Variants in CCDC6 observed in about 807,000 individuals in gnomAD.
CCDC6 encodes coiled-coil domain containing 6, also known as coiled-coil domain-containing protein 6.
CCDC6 carries 20 observed loss-of-function variants against 56.6 expected under a neutral mutation model. That is an observed-to-expected ratio of 0.35 (90% CI 0.25 to 0.51). The LOEUF (loss-of-function observed/expected upper bound fraction) is 0.51. Among genes scored for constraint, CCDC6 ranks in the 20% least tolerant of loss-of-function variants. The pLI is 0.95. For missense variants in CCDC6, 367 were observed against 601.1 expected (o/e 0.61, Z 4.07); for synonymous variants, 241 against 234.4 (o/e 1.03, Z -0.26).
intron 3 of CCDC6, among the ~76,000 whole-genome samples, chr10:59,815,808 T>C (rs903275624): frequency 6.6e-6 from 1 of 152,244 alleles, no homozygotes; most frequent in Admixed American, 6.5e-5. Flanking sequence ...AAGATGTTAA[T>C]AGATTCCACA....
At chr10:59,877,066 G>A (rs748615753) in intron 1 of CCDC6, among the ~76,000 whole-genome samples, 2 of 152,068 alleles carry the variant, frequency 1.3e-5, no homozygotes, top group Non-Finnish European at 2.9e-5. Flanking sequence ...CATAGAAAAG[G>A]TACAGTAAAA....
intron 1 of CCDC6, among the ~76,000 whole-genome samples, chr10:59,881,418 T>G (rs1387200009): frequency 1.3e-5 from 2 of 152,192 alleles, no homozygotes; most frequent in East Asian, 3.9e-4. Flanking sequence ...ACCTTCTTTA[T>G]CTTGGTGTCC....
intron 6 of CCDC6, chr10:59,804,766 G>C (rs1380930369): frequency 4.2e-5 from 18 of 429,996 alleles, no homozygotes; most frequent in Non-Finnish European, 7.3e-5. Flanking sequence ...ATGGAAGCCA[G>C]GTGAAAGAGG....
At position 59,834,544 on chromosome 10, in the gene CCDC6, C is replaced by G. The variant is rs550453050; in HGVS notation, c.454-1891G>C. ...CACCATTGCACTCCAGCCTGGGCAA[C>G]AGAGCGAGACTCTGTCTCAAAAAAG... On this transcript the variant is annotated intron_variant, in intron 2 of 8. Coordinates refer to ENST00000263102, the MANE Select transcript of CCDC6 (RefSeq NM_005436.5). Among the ~76,000 whole-genome samples, 7 of 144,904 alleles carry G rather than the reference C, an allele frequency of 4.8e-5. No homozygotes were observed. The East Asian group carries it at 1.2e-3, about 25-fold the overall frequency.
intron 1 of CCDC6, among the ~76,000 whole-genome samples, chr10:59,870,995 GGA>G (rs1302527959): frequency 6.6e-6 from 1 of 152,076 alleles, no homozygotes; most frequent in Admixed American, 6.5e-5. Context: ...CAGTATGAGA[GGA>G]GAGTCAGTCA....
At chr10:59,898,314 T>A (rs2071478980) in intron 1 of CCDC6, among the ~76,000 whole-genome samples, 1 of 152,162 alleles carries the variant, frequency 6.6e-6, no homozygotes, top group Admixed American at 6.5e-5. Context: ...ACCAAAAGCC[T>A]CCCAGTGCCA....
At chr10:59,829,907 C>T (rs144582900) in intron 3 of CCDC6, among the ~76,000 whole-genome samples, 2 of 152,160 alleles carry the variant, frequency 1.3e-5, no homozygotes, top group Non-Finnish European at 2.9e-5. Context: ...ATGTAAATTA[C>T]ATCTCACTAG....
At position 59,792,688 on chromosome 10, in the gene CCDC6, A is replaced by C; in HGVS notation, c.*229T>G. The C allele has an allele frequency of 1.3e-6, 1 of 756,290 alleles. No homozygotes were observed. Among genetic ancestry groups the C allele is most frequent in the Non-Finnish European group, 2.4e-6 (1 of 412,880 alleles). 46.8% of individuals were successfully genotyped at this position (756,290 alleles called of 1,614,324 possible). A position where few individuals can be genotyped will look rare whatever the true frequency, so the allele number is the denominator to read the frequency against. ...GGTTCCAGCCAGGGAATGGACGTAC[A>C]TGAAGATTCAAGTAAAACACTGATG... is the stretch of plus-strand genomic sequence containing the variant. On this transcript the variant is annotated 3_prime_UTR_variant, in exon 9 of 9. Coordinates refer to ENST00000263102, the MANE Select transcript of CCDC6 (RefSeq NM_005436.5).
chr10:59,836,127 AG>A (rs2070880707), intron 2 of CCDC6, among the ~76,000 whole-genome samples: 1 of 151,824 alleles, frequency 6.6e-6, no homozygotes, highest in South Asian at 2.1e-4. Flanking sequence ...TCATGAGACA[AG>A]GGTTAAGATG....
intron 1 of CCDC6, among the ~76,000 whole-genome samples, chr10:59,860,025 T>C (rs953101777): frequency 6.6e-6 from 1 of 152,206 alleles, no homozygotes; most frequent in Non-Finnish European, 1.5e-5. Flanking sequence ...GAGGTTGCAG[T>C]GAGCCAGTTT....
intron 1 of CCDC6, among the ~76,000 whole-genome samples, chr10:59,904,178 T>G (rs193078903): frequency 4.5e-5 from 3 of 66,818 alleles, no homozygotes; most frequent in African/African-American, 1.1e-4. Flanking sequence ...GTATATTCGG[T>G]TGGATGTCAG....
intron 7 of CCDC6, among the ~76,000 whole-genome samples, chr10:59,798,394 T>C (rs935087574): frequency 2.6e-5 from 4 of 152,252 alleles, no homozygotes; most frequent in African/African-American, 9.6e-5. Flanking sequence ...GCAGGACTTT[T>C]CTGTGCCCTC....
chr10:59,817,676 A>C lies in CCDC6; in HGVS notation c.583-2921T>G, dbSNP rs182045362. Among the ~76,000 whole-genome samples, 13 of 152,314 alleles carry C rather than the reference A, an allele frequency of 8.5e-5. No homozygotes were observed. The East Asian group carries it at 2.3e-3, about 27-fold the overall frequency. ...TTTTAGAGTAAATACTCATAATACT[A>C]ATCAATAACTCTGAGAAGCAAAATC... is the stretch of plus-strand genomic sequence containing the variant. On this transcript the variant is annotated intron_variant, in intron 3 of 8. Transcript: ENST00000263102.
intron 1 of CCDC6, among the ~76,000 whole-genome samples, chr10:59,855,057 T>A (rs574076814): frequency 2.6e-5 from 4 of 152,326 alleles, no homozygotes; most frequent in Non-Finnish European, 4.4e-5. Context: ...AAAAGTGAAG[T>A]GGACTCAGAG....
intron 2 of CCDC6, among the ~76,000 whole-genome samples, chr10:59,841,380 T>C (rs567100763): frequency 1.3e-5 from 2 of 152,360 alleles, no homozygotes; most frequent in East Asian, 3.9e-4. Flanking sequence ...TATCTTTCCA[T>C]GGCACTTAAT....
chr10:59,890,212 C>T (rs1473913980), intron 1 of CCDC6, among the ~76,000 whole-genome samples: 1 of 152,062 alleles, frequency 6.6e-6, no homozygotes, highest in East Asian at 1.9e-4. Context: ...CAAGGGGTTT[C>T]GTAACATGTG....
chr10:59,823,631 T>C (rs2070764121), intron 3 of CCDC6, among the ~76,000 whole-genome samples: 1 of 141,322 alleles, frequency 7.1e-6, no homozygotes, highest in African/African-American at 2.5e-5. Flanking sequence ...CCTAATGTGA[T>C]TTATCCAAAA....
intron 1 of CCDC6, among the ~76,000 whole-genome samples, chr10:59,861,789 CAA>C (rs946519637): frequency 3.3e-5 from 5 of 152,096 alleles, no homozygotes; most frequent in African/African-American, 7.2e-5. Context: ...TAAATTGAAA[CAA>C]AGAGTGATGG....
intron 1 of CCDC6, among the ~76,000 whole-genome samples, chr10:59,869,134 C>A (rs867673548): frequency 1.6e-4 from 25 of 151,830 alleles, no homozygotes; most frequent in African/African-American, 5.8e-4. Flanking sequence ...ACACTTCATC[C>A]CTACCACGCC....
Sources: allele counts gnomAD v4.1 joint callset (sites outside exome capture counted in the v4.1 genomes callset), GRCh38; gene constraint gnomAD v4.1.1; transcripts MANE v1.5; gene names NCBI Gene and HGNC (gene_info 2026-07-23, HGNC 2026-07-21).